GADL1: variants seen among roughly 807,000 people sequenced by gnomAD.
The protein encoded by GADL1 is GAD like acidic amino acid decarboxylase 1.
In GADL1, 71 loss-of-function variants were observed where a neutral mutation model predicts 69.5. That is an observed-to-expected ratio of 1.02 (90% CI 0.84 to 1.25). The LOEUF is 1.25. Ranked by LOEUF, GADL1 falls within the 50% of genes most tolerant of loss-of-function variation. GADL1 has a pLI of 0.00. For missense variants in GADL1, 737 were observed against 631.8 expected (o/e 1.17, Z -1.79); for synonymous variants, 254 against 214.4 (o/e 1.18, Z -1.62).
intron 1 of GADL1, among the ~76,000 whole-genome samples, chr3:30,869,561 G>A (rs542904626): frequency 1.3e-5 from 2 of 151,878 alleles, no homozygotes; most frequent in East Asian, 3.9e-4. Flanking sequence ...CCACAAACAT[G>A]AATTCAAAGG....
intron 14 of GADL1, among the ~76,000 whole-genome samples, chr3:30,751,991 CTAAA>C (rs10545766): frequency 0.18 from 27,187 of 151,916 alleles, 3,518 homozygotes; most frequent in African/African-American, 0.35. Flanking sequence ...TGATGGCTGT[CTAAA>C]TAAGATAGGA....
intron 14 of GADL1, among the ~76,000 whole-genome samples, chr3:30,766,876 T>C (rs952686666): frequency 7.9e-5 from 12 of 152,184 alleles, no homozygotes; most frequent in East Asian, 3.8e-4. Flanking sequence ...ATATTGAGAG[T>C]TGGACTTTAG....
intron 14 of GADL1, among the ~76,000 whole-genome samples, chr3:30,774,354 G>A (rs1559495996): frequency 6.6e-6 from 1 of 152,106 alleles, no homozygotes. Flanking sequence ...GAACCTAACT[G>A]TTTAACATAC....
chr3:30,759,893 A>G (rs1696080617), intron 14 of GADL1, among the ~76,000 whole-genome samples: 1 of 152,184 alleles, frequency 6.6e-6, no homozygotes, highest in Admixed American at 6.5e-5. Context: ...GCTCTTATGC[A>G]GGTGGACTTG....
At chr3:30,841,804 T>C (rs1465864900) in intron 8 of GADL1, among the ~76,000 whole-genome samples, 1 of 152,126 alleles carries the variant, frequency 6.6e-6, no homozygotes, top group Non-Finnish European at 1.5e-5. Context: ...CACCAATCAA[T>C]GTTATTACAA....
intron 1 of GADL1, 129 bp downstream of exon 1, chr3:30,894,449 A>T: frequency 1.6e-6 from 1 of 624,410 alleles, no homozygotes; most frequent in South Asian, 2.6e-5. Context: ...GAAGATGGGG[A>T]CTTTCTACCC....
At chr3:30,759,755 C>T (rs1619031) in intron 14 of GADL1, among the ~76,000 whole-genome samples, 128,913 of 152,106 alleles carry the variant, frequency 0.85, 55,058 homozygotes, top group African/African-American at 0.92. Flanking sequence ...TCGACTGCCA[C>T]TGGGTTTGTG....
At chr3:30,784,462 T>C (rs921863595) in intron 13 of GADL1, among the ~76,000 whole-genome samples, 7 of 152,322 alleles carry the variant, frequency 4.6e-5, no homozygotes, top group East Asian at 1.9e-4. Context: ...GTTGTTTAAT[T>C]TTTAATCATT....
intron 11 of GADL1, among the ~76,000 whole-genome samples, chr3:30,811,289 C>T (rs1259856126): frequency 6.6e-6 from 1 of 152,116 alleles, no homozygotes; most frequent in Non-Finnish European, 1.5e-5. Flanking sequence ...TAAACCATAA[C>T]GCTGCCTACA....
chr3:30,796,398 C>T (rs901569178), intron 12 of GADL1, among the ~76,000 whole-genome samples: 1 of 152,096 alleles, frequency 6.6e-6, no homozygotes, highest in Non-Finnish European at 1.5e-5. Context: ...CATCTAGGAT[C>T]AGTACACATT....
chr3:30,874,057 G>A (rs182499681), intron 1 of GADL1, among the ~76,000 whole-genome samples: 90 of 152,026 alleles, frequency 5.9e-4, no homozygotes, highest in African/African-American at 2.0e-3. Flanking sequence ...AGGGAGGGAG[G>A]ACACTGTTAC....
intron 1 of GADL1, among the ~76,000 whole-genome samples, chr3:30,892,085 ATTAT>A (rs1178952428): frequency 6.6e-6 from 1 of 152,234 alleles, no homozygotes; most frequent in Admixed American, 6.5e-5. Context: ...GAGAAAAAAC[ATTAT>A]TTGAGTCTGA....
At chr3:30,835,018 G>A (rs114969175) in intron 9 of GADL1, among the ~76,000 whole-genome samples, 1 of 152,212 alleles carries the variant, frequency 6.6e-6, no homozygotes, top group East Asian at 1.9e-4. Context: ...TGTATTGAGA[G>A]AATTTGAAGG....
At chr3:30,787,679 T>C (rs1486136193) in intron 12 of GADL1, among the ~76,000 whole-genome samples, 1 of 152,182 alleles carries the variant, frequency 6.6e-6, no homozygotes, top group Non-Finnish European at 1.5e-5. Flanking sequence ...CACTAAATCA[T>C]AAATATTCAA....
intron 14 of GADL1, among the ~76,000 whole-genome samples, chr3:30,773,467 A>G (rs934074133): frequency 6.6e-6 from 1 of 152,190 alleles, no homozygotes; most frequent in Non-Finnish European, 1.5e-5. Context: ...ATATAAAAGA[A>G]ATCGCCTGCA....
intron 8 of GADL1, among the ~76,000 whole-genome samples, chr3:30,839,376 TA>T (rs1185344158): frequency 1.3e-5 from 2 of 151,972 alleles, no homozygotes; most frequent in South Asian, 2.1e-4. Flanking sequence ...ATGTTTTTTG[TA>T]ATGTTTTGTT....
intron 1 of GADL1, among the ~76,000 whole-genome samples, chr3:30,884,771 T>C (rs1698682089): frequency 1.3e-5 from 2 of 152,234 alleles, no homozygotes; most frequent in South Asian, 2.1e-4. Flanking sequence ...TTCATGCATA[T>C]GTATACATAT....
chr3:30,791,675 G>A (rs984069093), intron 12 of GADL1, among the ~76,000 whole-genome samples: 3 of 152,100 alleles, frequency 2.0e-5, no homozygotes, highest in African/African-American at 4.8e-5. Context: ...TGTTCCTATC[G>A]CAGTCACTTT....
At chr3:30,806,243 G>A (rs972683777) in intron 11 of GADL1, among the ~76,000 whole-genome samples, 14 of 152,044 alleles carry the variant, frequency 9.2e-5, no homozygotes, top group African/African-American at 3.4e-4. Flanking sequence ...TTAGAAAATA[G>A]GAATATTAAT....
Sources: allele counts gnomAD v4.1 joint callset (sites outside exome capture counted in the v4.1 genomes callset), GRCh38; gene constraint gnomAD v4.1.1; transcripts MANE v1.5; gene names NCBI Gene and HGNC (gene_info 2026-07-23, HGNC 2026-07-21).